The following GTPBP10 variants were observed in gnomAD, a reference collection of about 807,000 sequenced individuals.
The protein encoded by GTPBP10 is GTP binding protein 10.
In GTPBP10, 38 loss-of-function variants were observed where a neutral mutation model predicts 44.8. The observed-to-expected ratio is 0.85, with a 90% CI of 0.65 to 1.11. The LOEUF (loss-of-function observed/expected upper bound fraction) is 1.11, where lower values mean the gene tolerates loss of function less well. GTPBP10 is among the 50% of genes most tolerant of loss of function. GTPBP10 has a pLI of 0.00. For missense variants in GTPBP10, 462 were observed against 453.7 expected (o/e 1.02, Z -0.17); for synonymous variants, 152 against 150.6 (o/e 1.01, Z -0.07).
rs1012426874 is a variant in GTPBP10, at chr7:90,391,383, G to A, written c.*6229G>A. 1 of 151,966 alleles carries A rather than the reference G, an allele frequency of 6.6e-6. No homozygotes were observed. Among genetic ancestry groups the A allele is most frequent in the East Asian group, 1.9e-4 (1 of 5,184 alleles). 9.4% of individuals were successfully genotyped at this position (151,966 alleles called of 1,614,324 possible). A position where few individuals can be genotyped will look rare whatever the true frequency, so the allele number is the denominator to read the frequency against. ...CAGCTATGATAAAGTTCATAAATTAGGCACAGTAAGAGATTAAAAATATTA... is the reference window on the plus strand; with the variant it reads ...CAGCTATGATAAAGTTCATAAATTAAGCACAGTAAGAGATTAAAAATATTA... On this transcript the variant is annotated 3_prime_UTR_variant, in exon 10 of 10. Transcript: ENST00000222511.
chr7:90,365,236 A>T (rs963041745), intron 4 of GTPBP10, among the ~76,000 whole-genome samples: 1 of 152,136 alleles, frequency 6.6e-6, no homozygotes, highest in Admixed American at 6.5e-5. Context: ...TGGGAGCTGT[A>T]GACTGGAGCC....
chr7:90,376,694 T>C (rs911773184), intron 6 of GTPBP10, among the ~76,000 whole-genome samples: 3 of 152,220 alleles, frequency 2.0e-5, no homozygotes, highest in African/African-American at 7.2e-5. Flanking sequence ...CAGTTACTTT[T>C]ATACCAACCT....
At chr7:90,371,846 A>T (rs17874789) in intron 4 of GTPBP10, among the ~76,000 whole-genome samples, 73,924 of 151,840 alleles carry the variant, frequency 0.49, 19,018 homozygotes, top group African/African-American at 0.65. Flanking sequence ...CTGGAGTTAG[A>T]AAGTTACAGG....
chr7:90,357,992 A>G (rs987649702), intron 4 of GTPBP10, among the ~76,000 whole-genome samples: 1 of 152,154 alleles, frequency 6.6e-6, no homozygotes, highest in Non-Finnish European at 1.5e-5. Context: ...AAGGAAGTCA[A>G]ACTATCTGTT....
At chr7:90,362,787 T>C (rs1159878691) in intron 4 of GTPBP10, among the ~76,000 whole-genome samples, 1 of 152,226 alleles carries the variant, frequency 6.6e-6, no homozygotes, top group African/African-American at 2.4e-5. Flanking sequence ...TGTAGGTCTC[T>C]AAGGACTTGC....
rs548228480 is a variant in GTPBP10, at chr7:90,379,179, C to T, written c.777+968C>T. 3.9e-4 allele frequency among the ~76,000 whole-genome samples: 60 copies of T among 152,300 alleles called. No homozygotes were observed. In the South Asian group the frequency reaches 0.012, roughly 31 times the overall value. The stretch of plus-strand genomic sequence containing the variant: ...ATTCTTCTCACCACCTACACAAGCC[C>T]TGTCAGTTTTTTATCCTAAATCTCT... On this transcript the variant is annotated intron_variant, in intron 8 of 9. Coordinates refer to ENST00000222511, the MANE Select transcript of GTPBP10 (RefSeq NM_033107.4).
rs1156718431 is a variant in GTPBP10 at position 90,352,838 on chromosome 7, TA to T, written c.58del (p.Arg20AspfsTer16). 4 of 1,611,040 alleles carry T rather than the reference TA, an allele frequency of 2.5e-6. No individual in the cohort carries two copies. Among genetic ancestry groups the T allele is most frequent in the Non-Finnish European group, 3.4e-6 (4 of 1,178,956 alleles). On this transcript the variant is annotated frameshift_variant, in exon 2 of 10. Transcript: ENST00000222511. LOFTEE classifies it high-confidence loss of function. ...AAGTATGGAAATTTCATCGATAAGC[TA>T]AGACTCTTCACCAGGGGAGGATCCG... Reference protein sequence around the residue: ...FRKYGNFIDKLRLFTRGGSGG... With the variant: ...FRKYGNFIDKXRLFTRGGSGG...
chr7:90,372,859 A>G (rs1796283706), intron 5 of GTPBP10, among the ~76,000 whole-genome samples: 1 of 152,106 alleles, frequency 6.6e-6, no homozygotes, highest in Non-Finnish European at 1.5e-5. Flanking sequence ...AGACTGATAA[A>G]CAGAAACAGC....
chr7:90,377,421 G>T, intron 6 of GTPBP10, 86 bp from the exon 7 acceptor site: 1 of 813,930 alleles, frequency 1.2e-6, no homozygotes, highest in Non-Finnish European at 2.0e-6. Context: ...GTTTATATTT[G>T]AAATATCTTA....
chr7:90,364,890 C>A (rs889016996), intron 4 of GTPBP10, among the ~76,000 whole-genome samples: 1 of 152,174 alleles, frequency 6.6e-6, no homozygotes, highest in Non-Finnish European at 1.5e-5. Context: ...GCTGTGCTAG[C>A]AATGAGTGAA....
At position 90,377,600 on chromosome 7, in the gene GTPBP10, C is replaced by T; in HGVS notation, c.685C>T (p.Gln229Ter). The stretch of plus-strand genomic sequence containing the variant: ...CCTCAAGCATATAGAAAGAACTAGA[C>T]AACTACTTTTTGTTGTAAGTCATAT... The part of the protein sequence containing the change: ...KFLKHIERTR[Q>*]LLFVVDISGF... The change falls in exon 7 of 10, where the codon CAA becomes TAA. Residue 229 changes from glutamine to a stop codon, truncating the protein, a stop_gained. Transcript: ENST00000222511. LOFTEE classifies it high-confidence loss of function. 1 of 1,603,010 alleles carries T rather than the reference C, an allele frequency of 6.2e-7. No individual in the cohort carries two copies. The highest frequency in any genetic ancestry group is 8.5e-7 in the Non-Finnish European group (1 of 1,171,920).
intron 5 of GTPBP10, among the ~76,000 whole-genome samples, chr7:90,372,481 A>ATTTTTTTTTTTTTTTT (rs1211869618): frequency 1.5e-5 from 1 of 67,644 alleles, no homozygotes; most frequent in Non-Finnish European, 2.8e-5. Flanking sequence ...TGCTTGGCTA[A>ATTTTTTTTTTTTTTTT]CTTTTTTTTT....
intron 6 of GTPBP10, among the ~76,000 whole-genome samples, 176 bp downstream of exon 6, chr7:90,374,530 T>G (rs1289880251): frequency 6.6e-6 from 1 of 152,230 alleles, no homozygotes; most frequent in Admixed American, 6.5e-5. Flanking sequence ...TCATAATATA[T>G]TTAATTTCTT....
Position 90,373,341 on chromosome 7 carries a change from T to G in GTPBP10, c.539-961T>G, listed in dbSNP as rs1446381741. On this transcript the variant is annotated intron_variant, in intron 5 of 9. Transcript: ENST00000222511. ...GGATTGGTGTGGGACATGAAGGGTC[T>G]GAGACAACCAGTTAGTAGGCTCTTG... Among the ~76,000 whole-genome samples, 3 of 152,200 alleles carry G rather than the reference T, an allele frequency of 2.0e-5. No individual in the cohort carries two copies. The South Asian group carries it at 6.2e-4, about 32-fold the overall frequency.
Position 90,368,482 on chromosome 7 carries a change from T to C in GTPBP10, c.465-3673T>C, listed in dbSNP as rs182730576. Among the ~76,000 whole-genome samples, 316 of 152,320 alleles carry C rather than the reference T, an allele frequency of 2.1e-3. 3 individuals are homozygous for C. The highest frequency in any genetic ancestry group is 4.6e-3 in the South Asian group (22 of 4,824). On this transcript the variant is annotated intron_variant, in intron 4 of 9. Coordinates refer to ENST00000222511, the MANE Select transcript of GTPBP10 (RefSeq NM_033107.4). ...CCATATTTCTTGGAGGCTTTGTTCATTTCTTTTCAGTTTTTTTTCCTCTAA... is the reference window on the plus strand; with the variant it reads ...CCATATTTCTTGGAGGCTTTGTTCACTTCTTTTCAGTTTTTTTTCCTCTAA...
At chr7:90,362,341 C>T (rs1712190) in intron 4 of GTPBP10, among the ~76,000 whole-genome samples, 1 of 152,064 alleles carries the variant, frequency 6.6e-6, no homozygotes, top group Non-Finnish European at 1.5e-5. Context: ...TATGTTTGTT[C>T]TCATTGGTTT....
At chr7:90,369,382 C>A (rs971901845) in intron 4 of GTPBP10, among the ~76,000 whole-genome samples, 2 of 152,214 alleles carry the variant, frequency 1.3e-5, no homozygotes, top group African/African-American at 4.8e-5. Context: ...GCCATTTTTT[C>A]TGATATGCCC....
At chr7:90,365,773 C>T (rs10246582) in intron 4 of GTPBP10, among the ~76,000 whole-genome samples, 6 of 152,192 alleles carry the variant, frequency 3.9e-5, no homozygotes, top group Non-Finnish European at 5.9e-5. Context: ...TCTTGCCTGA[C>T]GGCCCTGGCC....
chr7:90,389,758 T>A lies in GTPBP10; in HGVS notation c.*4604T>A, dbSNP rs1796585199. 6.6e-6 allele frequency: 1 copy of A among 152,178 alleles called. No individual in the cohort carries two copies. The highest frequency in any genetic ancestry group is 2.4e-5 in the African/African-American group (1 of 41,446). The allele number at this position is 152,178 out of a possible 1,614,324, so 9.4% of individuals were successfully genotyped here. On this transcript the variant is annotated 3_prime_UTR_variant, in exon 10 of 10. Transcript: ENST00000222511. The stretch of plus-strand genomic sequence containing the variant: ...TTAAGCAGTGAAAAATAAACATCTT[T>A]TTTTCTTAAAGAGATATTTCATATC...
Sources: allele counts gnomAD v4.1 joint callset (sites outside exome capture counted in the v4.1 genomes callset), GRCh38; gene constraint gnomAD v4.1.1; transcripts MANE v1.5; gene names NCBI Gene and HGNC (gene_info 2026-07-23, HGNC 2026-07-21).